INTS8: variants seen among roughly 807,000 people sequenced by gnomAD.
The protein encoded by INTS8 is integrator complex subunit 8.
In INTS8, 47 loss-of-function variants were observed where a neutral mutation model predicts 138.9. The ratio of observed to expected loss-of-function variants is 0.34; its 90% CI spans 0.27 to 0.43. INTS8 has a LOEUF of 0.43. Among genes scored for constraint, INTS8 ranks in the 20% least tolerant of loss-of-function variants. The pLI is 1.00. For missense variants in INTS8, 996 were observed against 1,173.0 expected (o/e 0.85, Z 2.20); for synonymous variants, 392 against 400.9 (o/e 0.98, Z 0.27).
chr8:94,866,853 G>A (rs1004614762), intron 18 of INTS8: 4 of 321,790 alleles, frequency 1.2e-5, no homozygotes, highest in Admixed American at 4.7e-5. Context: ...TTATTTTAAG[G>A]GATAAAAAGT....
intron 6 of INTS8, among the ~76,000 whole-genome samples, chr8:94,832,545 G>A (rs1814761969): frequency 6.6e-6 from 1 of 152,212 alleles, no homozygotes. Context: ...CCTCAAGAGA[G>A]AGTGTCTAGC....
intron 16 of INTS8, among the ~76,000 whole-genome samples, chr8:94,863,272 C>T (rs1027103861): frequency 6.6e-6 from 1 of 152,204 alleles, no homozygotes; most frequent in African/African-American, 2.4e-5. Flanking sequence ...AGGTGCAGTT[C>T]CCCTGCCCCT....
intron 9 of INTS8, 43 bp from the exon 10 acceptor site, chr8:94,842,304 G>A (rs1311427937): frequency 1.5e-6 from 2 of 1,332,370 alleles, no homozygotes. Flanking sequence ...CCTTTCTTTT[G>A]TAGTAAAAAT....
chr8:94,870,153 G>C (rs892306005), intron 20 of INTS8, among the ~76,000 whole-genome samples: 1 of 151,774 alleles, frequency 6.6e-6, no homozygotes, highest in Admixed American at 6.6e-5. Context: ...CCGGGTTCAC[G>C]CCATTCTCCT....
chr8:94,843,818 AACC>A (rs1815227396), intron 10 of INTS8, among the ~76,000 whole-genome samples: 1 of 152,174 alleles, frequency 6.6e-6, no homozygotes, highest in South Asian at 2.1e-4. Context: ...AGTGGCTTAT[AACC>A]ACCAGCATGC....
chr8:94,862,295 T>C (rs559763214), intron 16 of INTS8, among the ~76,000 whole-genome samples: 23 of 152,322 alleles, frequency 1.5e-4, no homozygotes, highest in African/African-American at 5.3e-4. Context: ...TCTTAATATA[T>C]TGGGCACTTG....
At chr8:94,873,745 C>T in intron 22 of INTS8, 1 of 271,244 alleles carries the variant, frequency 3.7e-6, no homozygotes, top group Non-Finnish European at 6.9e-6. Context: ...TAATACACTC[C>T]TAATAAATTC....
intron 14 of INTS8, among the ~76,000 whole-genome samples, chr8:94,854,785 G>A (rs952494329): frequency 2.6e-5 from 4 of 152,202 alleles, no homozygotes; most frequent in African/African-American, 7.2e-5. Context: ...AGACCGGGGT[G>A]CAGTGGCATG....
intron 4 of INTS8, 57 bp downstream of exon 4, chr8:94,827,850 G>C: frequency 7.3e-7 from 1 of 1,366,304 alleles, no homozygotes. Context: ...TTTTAAAAAT[G>C]TTTGCAAGTT....
At chr8:94,866,274 T>C (rs1563667150) in intron 18 of INTS8, 83 bp downstream of exon 18, 1 of 758,676 alleles carries the variant, frequency 1.3e-6, no homozygotes, top group Non-Finnish European at 2.4e-6. Context: ...CTTCAAATAC[T>C]GACTAAATTA....
chr8:94,856,223 G>A (rs1815740163), intron 14 of INTS8, among the ~76,000 whole-genome samples: 1 of 152,226 alleles, frequency 6.6e-6, no homozygotes, highest in Non-Finnish European at 1.5e-5. Context: ...GCTTGTGAGA[G>A]TTACTTCTTT....
chr8:94,870,807 C>T (rs1816368834), intron 20 of INTS8, among the ~76,000 whole-genome samples: 1 of 152,166 alleles, frequency 6.6e-6, no homozygotes, highest in African/African-American at 2.4e-5. Flanking sequence ...AGCCATGCGT[C>T]TGAATCCACA....
At chr8:94,862,320 C>G (rs1455190241) in intron 16 of INTS8, among the ~76,000 whole-genome samples, 1 of 152,174 alleles carries the variant, frequency 6.6e-6, no homozygotes, top group Non-Finnish European at 1.5e-5. Context: ...ATTATGGACA[C>G]CAGTAATTTC....
chr8:94,835,890 G>T (rs1410836089), intron 6 of INTS8, among the ~76,000 whole-genome samples: 1 of 152,150 alleles, frequency 6.6e-6, no homozygotes, highest in Non-Finnish European at 1.5e-5. Context: ...GAGCCACTGC[G>T]CCCAGCCAGG....
intron 7 of INTS8, 135 bp from the exon 8 acceptor site, chr8:94,838,328 G>A (rs1247114772): frequency 3.2e-6 from 2 of 627,606 alleles, no homozygotes; most frequent in Non-Finnish European, 5.4e-6. Context: ...GGGATTACAG[G>A]CGTGAACCGC....
chr8:94,833,388 A>AT (rs1373912860), intron 6 of INTS8, among the ~76,000 whole-genome samples: 32 of 149,288 alleles, frequency 2.1e-4, no homozygotes, highest in East Asian at 5.9e-4. Context: ...AAAAATTTTA[A>AT]TTTTTTTTTT....
intron 7 of INTS8, among the ~76,000 whole-genome samples, chr8:94,837,296 C>CTT (rs1814960337): frequency 6.6e-6 from 1 of 151,804 alleles, no homozygotes; most frequent in Non-Finnish European, 1.5e-5. Flanking sequence ...TTGCATTTTT[C>CTT]TTTTTTATGA....
chr8:94,827,645 C>T (rs1814557914), intron 3 of INTS8, 77 bp from the exon 4 acceptor site: 1 of 1,231,466 alleles, frequency 8.1e-7, no homozygotes, highest in Non-Finnish European at 1.2e-6. Context: ...TTTATACAAA[C>T]CTAAGGAGTA....
chr8:94,872,228 C>A (rs1816422358), intron 21 of INTS8, among the ~76,000 whole-genome samples: 1 of 151,604 alleles, frequency 6.6e-6, no homozygotes, highest in African/African-American at 2.4e-5. Flanking sequence ...TTCAAAAAAA[C>A]AGTGAATTTT....
Sources: gnomAD v4.1 joint callset for allele counts (sites outside exome capture counted in the v4.1 genomes callset) on GRCh38, gnomAD v4.1.1 for gene constraint, MANE v1.5 for transcripts, NCBI Gene and HGNC (gene_info 2026-07-23, HGNC 2026-07-21) for gene names.